Variants in ACTR2 observed in about 807,000 individuals in gnomAD.
The protein encoded by ACTR2 is actin-related protein 2.
ACTR2 carries 5 observed loss-of-function variants against 50.2 expected under a neutral mutation model. The ratio of observed to expected loss-of-function variants is 0.10; its 90% CI spans 0.05 to 0.21. ACTR2 has a LOEUF of 0.21. ACTR2 is among the 10% of genes least tolerant of loss of function. The probability of loss-of-function intolerance (pLI) is 1.00; values close to 1 mark genes in which losing one functional copy is unlikely to be tolerated. For missense variants in ACTR2, 180 were observed against 480.6 expected (o/e 0.37, Z 5.85); for synonymous variants, 140 against 162.9 (o/e 0.86, Z 1.07).
intron 8 of ACTR2, among the ~76,000 whole-genome samples, chr2:65,267,308 C>G (rs542477704): frequency 6.6e-6 from 1 of 152,126 alleles, no homozygotes; most frequent in Non-Finnish European, 1.5e-5. Flanking sequence ...TACAAAGCCT[C>G]AAGTATCTGG....
chr2:65,260,027 T>G lies in ACTR2; in HGVS notation c.736-1220T>G, dbSNP rs567051847. On this transcript the variant is annotated intron_variant, in intron 6 of 8. Transcript: ENST00000260641. The stretch of plus-strand genomic sequence containing the variant: ...TATTTATCAGTTACTTAAAATGTAT[T>G]AGGACCTAGTAGGATACAACAGAAT... 2.4e-4 allele frequency among the ~76,000 whole-genome samples: 36 copies of G among 152,344 alleles called. 2 individuals are homozygous for G. The South Asian group carries it at 6.8e-3, about 29-fold the overall frequency.
intron 7 of ACTR2, among the ~76,000 whole-genome samples, chr2:65,264,102 G>A (rs1672329580): frequency 6.6e-6 from 1 of 152,064 alleles, no homozygotes; most frequent in Non-Finnish European, 1.5e-5. Flanking sequence ...TTAGAGCTTC[G>A]ACGTACCTAA....
intron 5 of ACTR2, among the ~76,000 whole-genome samples, chr2:65,255,226 ATATT>A (rs1672127541): frequency 1.3e-5 from 2 of 152,290 alleles, no homozygotes; most frequent in African/African-American, 4.8e-5. Flanking sequence ...TACTAAAATA[ATATT>A]TATTCATTAA....
intron 8 of ACTR2, among the ~76,000 whole-genome samples, chr2:65,266,856 CTA>C (rs1366527323): frequency 6.6e-6 from 1 of 152,160 alleles, no homozygotes; most frequent in Admixed American, 6.5e-5. Context: ...TGTTTCTTTC[CTA>C]TCTTGTTCAG....
chr2:65,251,866 T>C (rs962320084), intron 4 of ACTR2, among the ~76,000 whole-genome samples: 97 of 152,274 alleles, frequency 6.4e-4, no homozygotes, highest in Middle Eastern at 3.4e-3. Flanking sequence ...TCTCTTGATA[T>C]TGCCATTAGC....
intron 1 of ACTR2, 134 bp downstream of exon 1, chr2:65,228,091 C>A: frequency 1.3e-6 from 1 of 786,814 alleles, no homozygotes; most frequent in South Asian, 3.0e-5. Context: ...TGCCTCCCAC[C>A]TCCGCGGGCG....
At chr2:65,257,301 AG>A (rs1672168482) in intron 6 of ACTR2, among the ~76,000 whole-genome samples, 2 of 152,162 alleles carry the variant, frequency 1.3e-5, no homozygotes, top group African/African-American at 4.8e-5. Context: ...ATGGCTGCAT[AG>A]TATTCCATGG....
intron 1 of ACTR2, among the ~76,000 whole-genome samples, chr2:65,233,408 A>G (rs1389367212): frequency 6.6e-6 from 1 of 151,868 alleles, no homozygotes; most frequent in Admixed American, 6.6e-5. Flanking sequence ...TAATCCCAGC[A>G]CTTTGGGAGG....
chr2:65,228,877 G>A lies in ACTR2; in HGVS notation c.48+920G>A, dbSNP rs111567266. 7.8e-3 allele frequency among the ~76,000 whole-genome samples: 1,182 copies of A among 152,248 alleles called. 15 individuals are homozygous for A. Among genetic ancestry groups the A allele is most frequent in the African/African-American group, 0.027 (1,115 of 41,538 alleles). On this transcript the variant is annotated intron_variant, in intron 1 of 8. Transcript: ENST00000260641. ...GCAGATCACCAGAGGTTAGGAGTTC[G>A]AGACCAGCCCAGCCAACGTGGTGAA...
At chr2:65,232,886 T>A (rs1671666416) in intron 1 of ACTR2, among the ~76,000 whole-genome samples, 1 of 152,154 alleles carries the variant, frequency 6.6e-6, no homozygotes, top group Non-Finnish European at 1.5e-5. Flanking sequence ...TCACCAAGTC[T>A]TAAAATGATT....
rs1672135867 is a variant in ACTR2 at position 65,255,616 on chromosome 2, A to G, written c.657A>G (p.Lys219=). 1.2e-6 allele frequency: 2 copies of G among 1,614,086 alleles called. No homozygotes were observed. Among genetic ancestry groups the G allele is most frequent in the Non-Finnish European group, 1.7e-6 (2 of 1,179,938 alleles). ...AAACGGTTCGCATGATTAAAGAAAA[A>G]CTGTGTTACGTGGGATATAATATTG... ...DFETVRMIKE[K]LCYVGYNIEQ... Residue 219 remains lysine, a synonymous_variant, in exon 6 of 9, where the codon AAA becomes AAG. Transcript: ENST00000260641.
chr2:65,228,697 T>G (rs184159920), intron 1 of ACTR2, among the ~76,000 whole-genome samples: 22 of 152,300 alleles, frequency 1.4e-4, no homozygotes, highest in Admixed American at 1.4e-3. Context: ...TAGTGTTGAT[T>G]ATCCCACCCC....
intron 2 of ACTR2, chr2:65,242,602 C>G (rs752066787): frequency 4.0e-6 from 2 of 496,154 alleles, no homozygotes; most frequent in East Asian, 1.1e-4. Flanking sequence ...ATCATCCTTA[C>G]TGATGAGCAG....
At chr2:65,263,202 G>A (rs1672307852) in intron 7 of ACTR2, among the ~76,000 whole-genome samples, 1 of 150,214 alleles carries the variant, frequency 6.7e-6, no homozygotes, top group African/African-American at 2.4e-5. Flanking sequence ...AGCCTTAAGG[G>A]ACATTTTAAA....
At chr2:65,232,941 C>T (rs1209084371) in intron 1 of ACTR2, among the ~76,000 whole-genome samples, 1 of 151,514 alleles carries the variant, frequency 6.6e-6, no homozygotes, top group Non-Finnish European at 1.5e-5. Flanking sequence ...ACCAATGATA[C>T]CAAATGATAG....
intron 1 of ACTR2, among the ~76,000 whole-genome samples, chr2:65,228,896 T>G (rs1671582532): frequency 6.6e-6 from 1 of 152,114 alleles, no homozygotes; most frequent in Non-Finnish European, 1.5e-5. Context: ...CCAGCCAACG[T>G]GGTGAAACCC....
chr2:65,262,394 A>ATTTTTTTTTT (rs959959939), intron 7 of ACTR2, among the ~76,000 whole-genome samples: 3 of 137,540 alleles, frequency 2.2e-5, no homozygotes, highest in Admixed American at 7.3e-5. Flanking sequence ...CATGCCCAGA[A>ATTTTTTTTTT]TTTTTTTTTT....
intron 1 of ACTR2, among the ~76,000 whole-genome samples, chr2:65,230,870 A>G (rs1671624799): frequency 6.6e-6 from 1 of 151,944 alleles, no homozygotes; most frequent in African/African-American, 2.4e-5. Flanking sequence ...CATGGCCATC[A>G]TGGTGAAACC....
At chr2:65,259,210 G>A (rs1672215200) in intron 6 of ACTR2, among the ~76,000 whole-genome samples, 1 of 151,952 alleles carries the variant, frequency 6.6e-6, no homozygotes, top group Non-Finnish European at 1.5e-5. Context: ...GATCATTTGA[G>A]CCCAGGAGTT....
Sources: allele counts gnomAD v4.1 joint callset (sites outside exome capture counted in the v4.1 genomes callset), GRCh38; gene constraint gnomAD v4.1.1; transcripts MANE v1.5; gene names NCBI Gene and HGNC (gene_info 2026-07-23, HGNC 2026-07-21).